Variants in POLR3B observed in about 807,000 individuals in gnomAD.
POLR3B encodes DNA-directed RNA polymerase III subunit RPC2.
POLR3B carries 96 observed loss-of-function variants against 147.4 expected under a neutral mutation model. The ratio of observed to expected loss-of-function variants is 0.65; its 90% CI spans 0.55 to 0.77. The LOEUF (loss-of-function observed/expected upper bound fraction) is 0.77. Among genes scored for constraint, POLR3B ranks in the 30% least tolerant of loss-of-function variants. The pLI, the probability that POLR3B is intolerant of heterozygous loss-of-function variation, is 0.00. For synonymous variants in POLR3B, 461 were observed against 485.9 expected, an observed-to-expected ratio of 0.95 and a Z score of 0.67; for missense variants, 1,036 against 1,413.5, an observed-to-expected ratio of 0.73 and a Z score of 4.28.
At chr12:106,465,079 G>A (rs904478810) in intron 23 of POLR3B, among the ~76,000 whole-genome samples, 3 of 152,108 alleles carry the variant, frequency 2.0e-5, no homozygotes, top group Admixed American at 2.0e-4. Context: ...AGTTTCTAAT[G>A]TTTTATATGG....
chr12:106,393,004 T>A, intron 9 of POLR3B, 27 bp from the exon 10 acceptor site: 1 of 1,613,870 alleles, frequency 6.2e-7, no homozygotes, highest in Non-Finnish European at 8.5e-7. Flanking sequence ...AAGCCAACAC[T>A]CTTTCTATCT....
At chr12:106,426,113 T>G (rs2037430321) in intron 12 of POLR3B, among the ~76,000 whole-genome samples, 1 of 152,060 alleles carries the variant, frequency 6.6e-6, no homozygotes, top group Non-Finnish European at 1.5e-5. Context: ...TTGAGTGCCC[T>G]CCTCCTGCCA....
intron 20 of POLR3B, 51 bp from the exon 21 acceptor site, chr12:106,457,087 T>C (rs766807977): frequency 1.3e-6 from 2 of 1,516,020 alleles, no homozygotes; most frequent in South Asian, 2.2e-5. Flanking sequence ...CATATTTCCT[T>C]ATAGCTTTGG....
intron 23 of POLR3B, among the ~76,000 whole-genome samples, chr12:106,490,687 T>C (rs2137068203): frequency 6.6e-6 from 1 of 152,206 alleles, no homozygotes; most frequent in South Asian, 2.1e-4. Context: ...GTTAATTCGA[T>C]AGCTGGAAAA....
Position 106,509,651 on chromosome 12 carries a change from G to C in POLR3B, c.*102G>C. 1 of 1,091,098 alleles carries C rather than the reference G, an allele frequency of 9.2e-7. No homozygotes were observed. Among genetic ancestry groups the C allele is most frequent in the Non-Finnish European group, 1.4e-6 (1 of 734,402 alleles). The allele number at this position is 1,091,098 out of a possible 1,614,324, so 67.6% of individuals were successfully genotyped here. A position where few individuals can be genotyped will look rare whatever the true frequency, so the allele number is the denominator to read the frequency against. On this transcript the variant is annotated 3_prime_UTR_variant, in exon 28 of 28. Transcript: ENST00000228347. ...GTCTCCTCCTGTGAAGAATTCCCTT[G>C]CGTATTCTCTCTCTAAAACAACCAA... is the stretch of plus-strand genomic sequence containing the variant.
chr12:106,419,065 G>A (rs1166991620), intron 12 of POLR3B, among the ~76,000 whole-genome samples: 1 of 152,134 alleles, frequency 6.6e-6, no homozygotes, highest in East Asian at 1.9e-4. Flanking sequence ...TTAGGTTAAG[G>A]GCATTCGATT....
At chr12:106,400,525 C>A (rs112724874) in intron 10 of POLR3B, among the ~76,000 whole-genome samples, 8 of 152,150 alleles carry the variant, frequency 5.3e-5, no homozygotes, top group Admixed American at 2.6e-4. Context: ...AATATACATT[C>A]TTTTCAGCAC....
At position 106,443,069 on chromosome 12, in the gene POLR3B, C is replaced by T. The variant is rs181985464; in HGVS notation, c.1956-1394C>T. Among the ~76,000 whole-genome samples, 21 of 152,222 alleles carry T rather than the reference C, an allele frequency of 1.4e-4. No individual in the cohort carries two copies. In the East Asian group the frequency reaches 3.7e-3, roughly 27 times the overall value. On this transcript the variant is annotated intron_variant, in intron 18 of 27. Transcript: ENST00000228347. ...ATAACCTCAAACTTTCTAATAGCCA[C>T]ATTAAAAAGGTAAAAAGAAACTGGT...
At chr12:106,363,013 A>T (rs972727751) in intron 1 of POLR3B, among the ~76,000 whole-genome samples, 9 of 151,954 alleles carry the variant, frequency 5.9e-5, no homozygotes, top group African/African-American at 2.2e-4. Flanking sequence ...TTTTGACTAT[A>T]CCCAGGGGTC....
intron 9 of POLR3B, among the ~76,000 whole-genome samples, chr12:106,384,891 G>A (rs2036814054): frequency 6.6e-6 from 1 of 150,462 alleles, no homozygotes; most frequent in Admixed American, 6.6e-5. Flanking sequence ...GGAATGGCGT[G>A]ATCTCAGCTT....
chr12:106,459,233 CTT>C lies in POLR3B; in HGVS notation c.2453-15_2453-14del, dbSNP rs781319276. 16 of 1,348,866 alleles carry C rather than the reference CTT, an allele frequency of 1.2e-5. No individual in the cohort carries two copies. The Admixed American group carries it at 2.5e-4, about 21-fold the overall frequency. 83.6% of individuals were successfully genotyped at this position (1,348,866 alleles called of 1,614,324 possible). ...ACAGATGATAACGATGTGCCTAACA[CTT>C]TTCTTTTTTTCTCAGGTGAGAAAGT... is the stretch of plus-strand genomic sequence containing the variant. On this transcript the variant is annotated splice_polypyrimidine_tract_variant and intron_variant, in intron 21 of 27. Coordinates refer to ENST00000228347, the MANE Select transcript of POLR3B (RefSeq NM_018082.6).
At chr12:106,497,216 G>A (rs764013713) in intron 25 of POLR3B, among the ~76,000 whole-genome samples, 7 of 149,504 alleles carry the variant, frequency 4.7e-5, no homozygotes, top group African/African-American at 7.3e-5. Context: ...TCTTCTTCCC[G>A]TATGACCCAG....
At chr12:106,431,771 C>T (rs1593037829) in intron 14 of POLR3B, among the ~76,000 whole-genome samples, 2 of 152,290 alleles carry the variant, frequency 1.3e-5, no homozygotes, top group Middle Eastern at 3.4e-3. Flanking sequence ...TCCAGAATCA[C>T]ACATTGTTTT....
chr12:106,402,099 G>A (rs1297146240), intron 10 of POLR3B, among the ~76,000 whole-genome samples: 4 of 151,626 alleles, frequency 2.6e-5, no homozygotes, highest in Non-Finnish European at 5.9e-5. Flanking sequence ...AAGCTGATAA[G>A]CAACTTCAGC....
chr12:106,448,208 G>A (rs1241643849), intron 19 of POLR3B, among the ~76,000 whole-genome samples: 1 of 151,756 alleles, frequency 6.6e-6, no homozygotes, highest in Non-Finnish European at 1.5e-5. Context: ...AAGCTTATGT[G>A]GTATTTCCTA....
At chr12:106,358,338 C>T in intron 1 of POLR3B, 4 of 840,992 alleles carry the variant, frequency 4.8e-6, no homozygotes, top group Non-Finnish European at 6.2e-6. Context: ...GGCACCACAG[C>T]CGGCTGTGGG....
At chr12:106,422,976 T>C (rs2037391271) in intron 12 of POLR3B, among the ~76,000 whole-genome samples, 1 of 152,204 alleles carries the variant, frequency 6.6e-6, no homozygotes, top group Admixed American at 6.5e-5. Flanking sequence ...TCTTTGATGT[T>C]TTTCAATAAA....
In POLR3B at chr12:106,430,361, T is replaced by C; in HGVS notation, c.1352T>C (p.Met451Thr). The change falls in exon 14 of 28, where the codon ATG becomes ACG. Residue 451 changes from methionine (M) to threonine (T), a missense_variant. By Grantham distance (81) the Met-to-Thr change is moderately conservative. Coordinates refer to ENST00000228347, the MANE Select transcript of POLR3B (RefSeq NM_018082.6). ...SRLSYISALGMMTRISSQFEK... is the reference protein window; with the variant it reads ...SRLSYISALGTMTRISSQFEK... ...TTGTCATATATATCCGCACTGGGCA[T>C]GATGACAAGAATCTCTTCCCAGTTT... 1 of 1,613,978 alleles carries C rather than the reference T, an allele frequency of 6.2e-7. No homozygotes were observed. The highest frequency in any genetic ancestry group is 8.5e-7 in the Non-Finnish European group (1 of 1,179,864).
intron 15 of POLR3B, among the ~76,000 whole-genome samples, chr12:106,433,426 G>C (rs2037535017): frequency 6.6e-6 from 1 of 152,204 alleles, no homozygotes. Context: ...GATGGAGCCA[G>C]TGTTCAAACC....
Sources: allele counts gnomAD v4.1 joint callset (sites outside exome capture counted in the v4.1 genomes callset), GRCh38; gene constraint gnomAD v4.1.1; transcripts MANE v1.5; gene names NCBI Gene and HGNC (gene_info 2026-07-23, HGNC 2026-07-21).